ATF7IP2: variants seen among roughly 807,000 people sequenced by gnomAD.
The protein encoded by ATF7IP2 is activating transcription factor 7-interacting protein 2.
ATF7IP2 carries 42 observed loss-of-function variants against 64.2 expected under a neutral mutation model. The observed-to-expected ratio is 0.65, with a 90% CI of 0.51 to 0.85. The LOEUF (loss-of-function observed/expected upper bound fraction) is 0.85. Among genes scored for constraint, ATF7IP2 ranks in the 40% least tolerant of loss-of-function variants. The pLI is 0.00. For synonymous variants in ATF7IP2, 308 were observed against 272.8 expected (o/e 1.13, Z -1.27); for missense variants, 933 against 784.2 (o/e 1.19, Z -2.27).
At chr16:10,474,965 T>G (rs1258161895) in intron 12 of ATF7IP2, among the ~76,000 whole-genome samples, 1 of 152,184 alleles carries the variant, frequency 6.6e-6, no homozygotes, top group African/African-American at 2.4e-5. Context: ...GAGGATGGCT[T>G]GAGGCCAGCA....
In ATF7IP2 at chr16:10,433,565, A is replaced by T. The variant is rs1442761905; in HGVS notation, c.876A>T (p.Glu292Asp). The stretch of plus-strand genomic sequence containing the variant: ...AGAGGATGTTTTCAGAAAACGAGGA[A>T]AATGTTAAACGCATGAAAACTTCAG... ...QKKRMFSENE[E>D]NVKRMKTSEQ... Residue 292 changes from glutamate to aspartate, a missense_variant, in exon 6 of 14, where the codon GAA (glutamate) becomes GAT (aspartate). By Grantham distance (45) the Glu-to-Asp change is conservative. Transcript: ENST00000562102. 6.2e-7 allele frequency: 1 copy of T among 1,613,378 alleles called. No homozygotes were observed. The highest frequency in any genetic ancestry group is 2.2e-5 in the East Asian group (1 of 44,868).
chr16:10,460,830 T>C (rs774842450), intron 9 of ATF7IP2, among the ~76,000 whole-genome samples: 1 of 151,956 alleles, frequency 6.6e-6, no homozygotes, highest in Non-Finnish European at 1.5e-5. Flanking sequence ...AAAAGAAAAA[T>C]TGATTAATTT....
At chr16:10,451,613 G>C (rs553506401) in intron 8 of ATF7IP2, among the ~76,000 whole-genome samples, 16 of 151,874 alleles carry the variant, frequency 1.1e-4, no homozygotes, top group African/African-American at 3.9e-4. Context: ...GATCAGTTCA[G>C]CTGTTAATAC....
rs1005232217 is a variant in ATF7IP2 at position 10,394,280 on chromosome 16, T to G, written c.-242+8158T>G. On this transcript the variant is annotated intron_variant, in intron 1 of 13. Coordinates refer to ENST00000562102, the MANE Select transcript of ATF7IP2 (RefSeq NM_001393719.1). Reference sequence around the variant, plus strand: ...CAGACAAAATATACTGAAACAGTATTGCTGGAGATACATAGGGACATTCTA... The same window carrying G: ...CAGACAAAATATACTGAAACAGTATGGCTGGAGATACATAGGGACATTCTA... Among the ~76,000 whole-genome samples the G allele has an allele frequency of 3.3e-5, 5 of 152,344 alleles. 1 individual carries two copies. Among genetic ancestry groups the G allele is most frequent in the Admixed American group, 6.5e-5 (1 of 15,296 alleles).
At chr16:10,464,835 G>T (rs993926176) in intron 9 of ATF7IP2, among the ~76,000 whole-genome samples, 6 of 150,404 alleles carry the variant, frequency 4.0e-5, no homozygotes, top group African/African-American at 1.5e-4. Flanking sequence ...TGTTGTTGAT[G>T]TTGTTGTTTG....
chr16:10,452,576 G>A (rs1228355430), intron 8 of ATF7IP2, among the ~76,000 whole-genome samples: 1 of 150,206 alleles, frequency 6.7e-6, no homozygotes, highest in Non-Finnish European at 1.5e-5. Context: ...CAGGATACAC[G>A]GGGGTCAGGG....
In ATF7IP2 at chr16:10,461,451, G is replaced by T. The variant is rs187880053; in HGVS notation, c.1352+3922G>T. 3.6e-3 allele frequency among the ~76,000 whole-genome samples: 546 copies of T among 152,182 alleles called. 2 individuals are homozygous for T. The highest frequency in any genetic ancestry group is 0.013 in the African/African-American group (531 of 41,552). ...AATGGCCAAAAACTGAAAGGAAAAA[G>T]TGTCCATCTACAGTTGAAAAAGAAA... On this transcript the variant is annotated intron_variant, in intron 9 of 13. Transcript: ENST00000562102.
At chr16:10,427,101 G>A (rs2048101110) in intron 3 of ATF7IP2, among the ~76,000 whole-genome samples, 1 of 152,102 alleles carries the variant, frequency 6.6e-6, no homozygotes, top group East Asian at 1.9e-4. Context: ...TGATCCGTTC[G>A]CCTCAGCCTT....
At position 10,439,533 on chromosome 16, in the gene ATF7IP2, C is replaced by CTT. The variant is rs760337763; in HGVS notation, c.1096-812_1096-811dup. 2.0e-3 allele frequency among the ~76,000 whole-genome samples: 205 copies of CTT among 102,950 alleles called. 2 individuals carry two copies. The highest frequency in any genetic ancestry group is 5.8e-3 in the African/African-American group (149 of 25,486). The allele number at this position is 102,950 out of a possible 152,430, so 67.5% of individuals were successfully genotyped here. A position where few individuals can be genotyped will look rare whatever the true frequency, so the allele number is the denominator to read the frequency against. On this transcript the variant is annotated intron_variant, in intron 7 of 13. Transcript: ENST00000562102. The stretch of plus-strand genomic sequence containing the variant: ...ATAGGCGTGAGCCACCGCCCCCAGC[C>CTT]TTTTTTTTTTTTTTTTTTTTAAACA...
intron 13 of ATF7IP2, 116 bp from the exon 14 acceptor site, chr16:10,481,720 T>C: frequency 2.2e-6 from 2 of 889,536 alleles, no homozygotes; most frequent in Non-Finnish European, 3.3e-6. Flanking sequence ...GCCTCACATA[T>C]TACTGAAATA....
intron 8 of ATF7IP2, chr16:10,447,159 CT>C (rs2048835992): frequency 1.3e-5 from 2 of 152,332 alleles, no homozygotes; most frequent in South Asian, 4.1e-4. Context: ...CATTCACGCA[CT>C]TTCAACCTCC....
At chr16:10,424,179 T>C (rs560978938) in intron 3 of ATF7IP2, among the ~76,000 whole-genome samples, 1 of 152,364 alleles carries the variant, frequency 6.6e-6, no homozygotes, top group African/African-American at 2.4e-5. Context: ...TTTTCTGCCC[T>C]GGGTGGGCGA....
intron 12 of ATF7IP2, among the ~76,000 whole-genome samples, chr16:10,474,620 G>A (rs1275097383): frequency 6.6e-6 from 1 of 152,174 alleles, no homozygotes; most frequent in Non-Finnish European, 1.5e-5. Flanking sequence ...CAGTCGTGGG[G>A]CTGGGGATCA....
chr16:10,457,601 TGGATC>T, intron 9 of ATF7IP2, 72 bp downstream of exon 9: 1 of 1,157,218 alleles, frequency 8.6e-7, no homozygotes, highest in Non-Finnish European at 1.2e-6. Flanking sequence ...ATCACAGTTT[TGGATC>T]TTTGTAATAT....
At chr16:10,469,001 C>T (rs749789894) in intron 9 of ATF7IP2, among the ~76,000 whole-genome samples, 2 of 152,078 alleles carry the variant, frequency 1.3e-5, no homozygotes, top group Non-Finnish European at 2.9e-5. Flanking sequence ...TCAGGCTAAT[C>T]CTAAGTAATT....
intron 4 of ATF7IP2, among the ~76,000 whole-genome samples, chr16:10,429,721 TTTTATTTTA>T (rs1457131058): frequency 3.5e-4 from 50 of 141,038 alleles, no homozygotes; most frequent in South Asian, 8.8e-4. Context: ...TTTTATTTTA[TTTTATTTTA>T]TTTATTTTAT....
Position 10,438,116 on chromosome 16 carries a change from C to T in ATF7IP2, c.976C>T (p.Gln326Ter). The T allele has an allele frequency of 6.4e-7, 1 of 1,550,546 alleles. No homozygotes were observed. Among genetic ancestry groups the T allele is most frequent in the Non-Finnish European group, 8.7e-7 (1 of 1,153,760 alleles). Residue 326 changes from glutamine to a stop codon, truncating the protein, a stop_gained, in exon 7 of 14, where the codon CAG becomes TAG. Transcript: ENST00000562102. LOFTEE classifies it high-confidence loss of function. Reference sequence around the variant, plus strand: ...AAAATTCTAGGTCAGACATTTGATTCAGCAGGAGATCTATAGCATAAATTA... The same window carrying T: ...AAAATTCTAGGTCAGACATTTGATTTAGCAGGAGATCTATAGCATAAATTA... ...AFLEQVRHLI[Q>*]QEIYSINYEL...
chr16:10,397,042 A>G (rs2047433575), intron 1 of ATF7IP2, among the ~76,000 whole-genome samples: 2 of 152,180 alleles, frequency 1.3e-5, no homozygotes, highest in South Asian at 2.1e-4. Flanking sequence ...TTTCTTCTGC[A>G]TGTAGATATT....
intron 1 of ATF7IP2, among the ~76,000 whole-genome samples, chr16:10,403,427 C>T (rs1375141574): frequency 6.6e-6 from 1 of 152,058 alleles, no homozygotes; most frequent in East Asian, 1.9e-4. Flanking sequence ...CTGAACTCAT[C>T]CAGAAGCAAA....
Sources: allele counts gnomAD v4.1 joint callset (sites outside exome capture counted in the v4.1 genomes callset), GRCh38; gene constraint gnomAD v4.1.1; transcripts MANE v1.5; gene names NCBI Gene and HGNC (gene_info 2026-07-23, HGNC 2026-07-21).